The following EPS8 variants were observed in gnomAD, a reference collection of about 807,000 sequenced individuals.
The protein encoded by EPS8 is EGFR pathway substrate 8, signaling adaptor.
Under a neutral mutation model 103.8 loss-of-function variants are expected in EPS8, and 42 were observed. The ratio of observed to expected loss-of-function variants is 0.40; its 90% CI spans 0.32 to 0.52. EPS8 has a LOEUF of 0.52. Among genes scored for constraint, EPS8 ranks in the 20% least tolerant of loss-of-function variants. EPS8 has a pLI of 0.40. For missense variants in EPS8, 969 were observed against 1,005.1 expected (o/e 0.96, Z 0.49); for synonymous variants, 344 against 344.6 (o/e 1.00, Z 0.02).
At chr12:15,634,745 C>T (rs886869066) in intron 17 of EPS8, 12 of 398,736 alleles carry the variant, frequency 3.0e-5, no homozygotes, top group Non-Finnish European at 5.3e-5. Context: ...TTACCTCTGA[C>T]AGCTCGCCAA....
Position 15,650,932 on chromosome 12 carries a change from A to G in EPS8, c.1325T>C (p.Leu442Pro). 2.5e-6 allele frequency: 4 copies of G among 1,614,146 alleles called. No homozygotes were observed. The highest frequency in any genetic ancestry group is 3.4e-6 in the Non-Finnish European group (4 of 1,179,954). ...TTCCATTGTGGCTCCCATAAAGTTCAGCATTGGGGGCTCCCAGCCATTGCG... is the reference window on the plus strand; with the variant it reads ...TTCCATTGTGGCTCCCATAAAGTTCGGCATTGGGGGCTCCCAGCCATTGCG... ...RFRNGWEPPMLNFMGATMEQD... is the reference protein window; with the variant it reads ...RFRNGWEPPMPNFMGATMEQD... Residue 442 changes from leucine (L) to proline (P), a missense_variant, in exon 14 of 21, where the codon CTG (leucine) becomes CCG (proline). Physicochemically the swap from Leu to Pro is moderately conservative, Grantham distance 98. Transcript: ENST00000281172.
intron 17 of EPS8, among the ~76,000 whole-genome samples, chr12:15,639,961 T>A (rs1018095937): frequency 2.0e-5 from 3 of 152,212 alleles, no homozygotes; most frequent in African/African-American, 4.8e-5. Context: ...CCATCCATTC[T>A]GTCTTTGTTT....
chr12:15,667,179 T>C (rs112516738), intron 6 of EPS8, among the ~76,000 whole-genome samples: 67 of 152,348 alleles, frequency 4.4e-4, no homozygotes, highest in African/African-American at 1.6e-3. Flanking sequence ...TACTCTATAT[T>C]AGAATGTTGA....
intron 17 of EPS8, chr12:15,634,790 C>A (rs187192371): frequency 5.0e-6 from 2 of 398,624 alleles, no homozygotes; most frequent in Admixed American, 8.8e-5. Context: ...CAAATCACAT[C>A]AAATGAGAAA....
Position 15,732,740 on chromosome 12 carries a change from A to G in EPS8, c.-21-49768T>C, listed in dbSNP as rs187765209. The G allele has an allele frequency of 1.7e-3, 1,698 of 979,080 alleles. 26 individuals are homozygous for G. The African/African-American group carries it at 0.028, about 16-fold the overall frequency. The allele number at this position is 979,080 out of a possible 1,614,324, so 60.6% of individuals were successfully genotyped here. ...ATATGATTTGCAATAAAGAGAACACAAAAGTACTTGCCAGATTACTCATAG... is the reference window on the plus strand; with the variant it reads ...ATATGATTTGCAATAAAGAGAACACGAAAGTACTTGCCAGATTACTCATAG... On this transcript the variant is annotated intron_variant, in intron 1 of 20. Transcript: ENST00000281172.
chr12:15,695,044 CTT>C lies in EPS8; in HGVS notation c.-21-12074_-21-12073del, dbSNP rs1946224678. 6.6e-6 allele frequency among the ~76,000 whole-genome samples: 1 copy of C among 152,016 alleles called. No homozygotes were observed. The highest frequency in any genetic ancestry group is 2.4e-5 in the African/African-American group (1 of 41,382). ...GCACTTTACATGCATTATCTTACTT[CTT>C]ATTAAGAGGTAAAAAGAACTTCTTA... On this transcript the variant is annotated intron_variant, in intron 1 of 20. Coordinates refer to ENST00000281172, the MANE Select transcript of EPS8 (RefSeq NM_004447.6). The surrounding 1 kb of genome is among the most constrained non-coding windows in gnomAD (Gnocchi z 5.0).
At chr12:15,729,389 T>C (rs781345484) in intron 1 of EPS8, among the ~76,000 whole-genome samples, 3 of 152,232 alleles carry the variant, frequency 2.0e-5, no homozygotes, top group Non-Finnish European at 4.4e-5. Context: ...ATTCCCATTC[T>C]GCATATGTTA....
intron 3 of EPS8, among the ~76,000 whole-genome samples, chr12:15,678,429 T>C (rs1443715681): frequency 1.3e-5 from 2 of 152,164 alleles, no homozygotes; most frequent in African/African-American, 4.8e-5. Context: ...CTAAGACTTC[T>C]CTCTTCCCTA....
rs767403841 is a variant in EPS8 at position 15,681,236 on chromosome 12, C to T, written c.126G>A (p.Lys42=). 1.9e-6 allele frequency: 3 copies of T among 1,564,484 alleles called. No homozygotes were observed. Among genetic ancestry groups the T allele is most frequent in the South Asian group, 1.2e-5 (1 of 84,338 alleles). The part of the protein sequence containing the change: ...DREHGSKTSA[K]ALYEQRKNYA... The stretch of plus-strand genomic sequence containing the variant: ...AATAAACAAACCTACCATAAAGGGC[C>T]TTTGCACTTGTTTTTGAACCATGTT... The change falls in exon 3 of 21, where the codon AAG becomes AAA. Residue 42 remains lysine (K), a synonymous_variant. Coordinates refer to ENST00000281172, the MANE Select transcript of EPS8 (RefSeq NM_004447.6).
chr12:15,669,841 A>C lies in EPS8; in HGVS notation c.205-16T>G, dbSNP rs922411084. 6.4e-7 allele frequency: 1 copy of C among 1,568,588 alleles called. No individual in the cohort carries two copies. ...TAGTCAAGTGCTTACAATTGGCAAA[A>C]AGGAAAAAGATTTATAACACATACA... On this transcript the variant is annotated splice_polypyrimidine_tract_variant and intron_variant, in intron 4 of 20. Transcript: ENST00000281172.
chr12:15,627,937 T>A (rs1017494313), intron 18 of EPS8, among the ~76,000 whole-genome samples: 7 of 152,306 alleles, frequency 4.6e-5, no homozygotes, highest in Admixed American at 3.9e-4. Flanking sequence ...GTTCTATGAT[T>A]TTTCCCCCCT....
At chr12:15,663,940 A>G (rs897109500) in intron 8 of EPS8, among the ~76,000 whole-genome samples, 3 of 10,754 alleles carry the variant, frequency 2.8e-4, no homozygotes, top group African/African-American at 4.6e-4. Flanking sequence ...AAAAAAAAAA[A>G]AAAAAATAAT....
Position 15,697,509 on chromosome 12 carries a change from T to G in EPS8, c.-21-14537A>C, listed in dbSNP as rs1946258719. Among the ~76,000 whole-genome samples the G allele has an allele frequency of 6.6e-6, 1 of 152,212 alleles. No homozygotes were observed. The highest frequency in any genetic ancestry group is 1.5e-5 in the Non-Finnish European group (1 of 68,034). On this transcript the variant is annotated intron_variant, in intron 1 of 20. Transcript: ENST00000281172. This position sits in a 1 kb window ranked among gnomAD's most constrained non-coding sequence, Gnocchi z 5.6. ...CCTCATGAAGTAGGAACAATTACCA[T>G]TCCCACTTTACAGATGAATAAGCTA...
chr12:15,704,322 C>T lies in EPS8; in HGVS notation c.-21-21350G>A, dbSNP rs1443267850. ...CACGAGAGCCAAAAGGTAGATGCAA[C>T]CCAAGTGTTGTCCATTCACAGATGA... On this transcript the variant is annotated intron_variant, in intron 1 of 20. Transcript: ENST00000281172. This position sits in a 1 kb window ranked among gnomAD's most constrained non-coding sequence, Gnocchi z 4.6. Among the ~76,000 whole-genome samples the T allele has an allele frequency of 6.6e-6, 1 of 152,118 alleles. No individual in the cohort carries two copies. The highest frequency in any genetic ancestry group is 1.9e-4 in the East Asian group (1 of 5,192).
rs2135785651 is a variant in EPS8, at chr12:15,650,805, T to C, written c.1434+18A>G. 3.1e-6 allele frequency: 5 copies of C among 1,600,796 alleles called. No homozygotes were observed. The East Asian group carries it at 1.1e-4, about 36-fold the overall frequency. On this transcript the variant is annotated intron_variant, in intron 14 of 20. Coordinates refer to ENST00000281172, the MANE Select transcript of EPS8 (RefSeq NM_004447.6). ...TAATTACACTGTCTACAGAGGGCAATGTTAAAAAAAAAACTACCTCTGTGG... is the reference window on the plus strand; with the variant it reads ...TAATTACACTGTCTACAGAGGGCAACGTTAAAAAAAAAACTACCTCTGTGG...
chr12:15,732,646 T>C (rs899598191), intron 1 of EPS8: 1 of 388,528 alleles, frequency 2.6e-6, no homozygotes, highest in African/African-American at 2.2e-5. Flanking sequence ...TAGTCAATTA[T>C]TTTTTGGAGA....
intron 1 of EPS8, among the ~76,000 whole-genome samples, chr12:15,705,827 A>G (rs1946378822): frequency 6.6e-6 from 1 of 152,230 alleles, no homozygotes; most frequent in Non-Finnish European, 1.5e-5. Flanking sequence ...CGGCTAGCCA[A>G]TATTACCCTT....
chr12:15,665,880 A>G lies in EPS8; in HGVS notation c.612T>C (p.Asn204=), dbSNP rs562421886. The change falls in exon 8 of 21, where the codon AAT becomes AAC. Residue 204 remains asparagine, a synonymous_variant. Transcript: ENST00000281172. ...RRPDALRMIS[N]ADPSIPPPPR... Reference sequence around the variant, plus strand: ...GTGGAGGCGGTATACTAGGGTCTGCATTGGAAATCATCCTTAAAAAGATGA... The same window carrying G: ...GTGGAGGCGGTATACTAGGGTCTGCGTTGGAAATCATCCTTAAAAAGATGA... The G allele has an allele frequency of 7.7e-5, 125 of 1,613,864 alleles. 1 individual carries two copies. The South Asian group carries it at 1.3e-3, about 17-fold the overall frequency.
intron 3 of EPS8, among the ~76,000 whole-genome samples, chr12:15,677,938 A>G (rs1184100778): frequency 6.6e-6 from 1 of 152,230 alleles, no homozygotes; most frequent in Non-Finnish European, 1.5e-5. Context: ...ATGTGTGTGC[A>G]CATTAGCTTA....
Sources: gnomAD v4.1 joint callset for allele counts (sites outside exome capture counted in the v4.1 genomes callset) on GRCh38, gnomAD v4.1.1 for gene constraint, Gnocchi (gnomAD v3.1) non-coding constraint, MANE v1.5 for transcripts, NCBI Gene and HGNC (gene_info 2026-07-23, HGNC 2026-07-21) for gene names.